SLC38A3: variants seen among roughly 807,000 people sequenced by gnomAD.
SLC38A3 encodes the protein sodium-coupled neutral amino acid transporter 3.
A neutral mutation model predicts 59.5 loss-of-function variants in SLC38A3; 17 were observed. That is an observed-to-expected ratio of 0.29 (90% CI 0.20 to 0.43). The LOEUF (loss-of-function observed/expected upper bound fraction) is 0.43, where lower values mean the gene tolerates loss of function less well. Among genes scored for constraint, SLC38A3 ranks in the 20% least tolerant of loss-of-function variants. The pLI, the probability that SLC38A3 is intolerant of heterozygous loss-of-function variation, is 1.00. For synonymous variants in SLC38A3, 238 were observed against 260.3 expected (o/e 0.91, Z 0.82); for missense variants, 454 against 653.9 (o/e 0.69, Z 3.33).
At chr3:50,209,448 A>G (rs1442195829) in intron 1 of SLC38A3, among the ~76,000 whole-genome samples, 1 of 152,150 alleles carries the variant, frequency 6.6e-6, no homozygotes, top group Non-Finnish European at 1.5e-5. Context: ...GGAGATCGAG[A>G]CCATCCTGGC....
At chr3:50,210,994 G>A (rs62260792) in intron 1 of SLC38A3, among the ~76,000 whole-genome samples, 7,750 of 152,200 alleles carry the variant, frequency 0.051, 274 homozygotes, top group Non-Finnish European at 0.077. Flanking sequence ...CAAGCCTCAC[G>A]GGACCCCTAG....
Position 50,219,964 on chromosome 3 carries a change from A to G in SLC38A3, c.1390A>G (p.Arg464Gly). 1 of 1,612,722 alleles carries G rather than the reference A, an allele frequency of 6.2e-7. No homozygotes were observed. The highest frequency in any genetic ancestry group is 1.1e-5 in the South Asian group (1 of 90,706). ...CATGCCCACGGAGAAGGAGCCTGCA[A>G]GATCCACCCCCAAAATCCTGGTGCG... ...RIMPTEKEPA[R>G]STPKILALCF... Residue 464 changes from arginine (R) to glycine (G), a missense_variant, in exon 15 of 16, where the codon AGA becomes GGA. By Grantham distance (125) the Arg-to-Gly change is moderately radical. Transcript: ENST00000614032.
rs1260955352 is a variant in SLC38A3, at chr3:50,217,729, C to T, written c.744C>T (p.Asn248=). 6.8e-6 allele frequency: 11 copies of T among 1,613,758 alleles called. No homozygotes were observed. In the Admixed American group the frequency reaches 1.5e-4, roughly 22 times the overall value. ...GCCCACTGCCCCCCAACTTCAACAACACCACAGGCAACTTCAGCCACGTGG... is the reference window on the plus strand; with the variant it reads ...GCCCACTGCCCCCCAACTTCAACAATACCACAGGCAACTTCAGCCACGTGG... The part of the protein sequence containing the change: ...VPCPLPPNFN[N]TTGNFSHVEI... The change falls in exon 10 of 16, where the codon AAC becomes AAT. Residue 248 remains asparagine (N), a synonymous_variant. Coordinates refer to ENST00000614032, the MANE Select transcript of SLC38A3 (RefSeq NM_006841.6). This position sits in a 1 kb window ranked among gnomAD's most constrained non-coding sequence, Gnocchi z 4.9.
At chr3:50,209,340 C>T (rs943939654) in intron 1 of SLC38A3, among the ~76,000 whole-genome samples, 4 of 152,138 alleles carry the variant, frequency 2.6e-5, no homozygotes, top group Admixed American at 2.0e-4. Context: ...CAGCTACAAG[C>T]ATCTGTTAGA....
chr3:50,218,274 T>G lies in SLC38A3; in HGVS notation c.940T>G (p.Ser314Ala). Residue 314 changes from serine (S) to alanine (A), a missense_variant, in exon 12 of 16, where the codon TCC becomes GCC. Physicochemically the swap from Ser to Ala is moderately conservative, Grantham distance 99. This residue lies in a region of SLC38A3 where 390 missense variants were observed against 557.9 expected (regional missense o/e 0.70). Coordinates refer to ENST00000614032, the MANE Select transcript of SLC38A3 (RefSeq NM_006841.6). The surrounding 1 kb of genome is among the most constrained non-coding windows in gnomAD (Gnocchi z 5.8). ...LPIYTELKDP[S>A]KKKMQHISNL... ...CACCCCCCCACTTCCCCACAGCCCCTCCAAGAAGAAGATGCAGCACATCTC... is the reference window on the plus strand; with the variant it reads ...CACCCCCCCACTTCCCCACAGCCCCGCCAAGAAGAAGATGCAGCACATCTC... 2.9e-6 allele frequency: 4 copies of G among 1,394,550 alleles called. No individual in the cohort carries two copies. Among genetic ancestry groups the G allele is most frequent in the Non-Finnish European group, 4.1e-6 (4 of 984,504 alleles). The allele number at this position is 1,394,550 out of a possible 1,614,324, so 86.4% of individuals were successfully genotyped here.
chr3:50,209,250 C>T (rs1363956165), intron 1 of SLC38A3, among the ~76,000 whole-genome samples: 1 of 150,728 alleles, frequency 6.6e-6, no homozygotes, highest in East Asian at 2.0e-4. Flanking sequence ...CTTCTGACTG[C>T]AACCTCTATG....
rs749699888 is a variant in SLC38A3, at chr3:50,219,941, T to C, written c.1367T>C (p.Met456Thr). 2 of 1,613,484 alleles carry C rather than the reference T, an allele frequency of 1.2e-6. No homozygotes were observed. The highest frequency in any genetic ancestry group is 2.2e-5 in the East Asian group (1 of 44,882). Reference protein sequence around the residue: ...IFPAIFYFRIMPTEKEPARST... With the variant: ...IFPAIFYFRITPTEKEPARST... ...CCTGCCATCTTCTACTTCCGAATCATGCCCACGGAGAAGGAGCCTGCAAGA... is the reference window on the plus strand; with the variant it reads ...CCTGCCATCTTCTACTTCCGAATCACGCCCACGGAGAAGGAGCCTGCAAGA... Residue 456 changes from methionine (M) to threonine (T), a missense_variant, in exon 15 of 16, where the codon ATG (methionine) becomes ACG (threonine). Met to Thr is a moderately conservative substitution (Grantham distance 81). This residue lies in a region of SLC38A3 where 59 missense variants were observed against 70.8 expected (regional missense o/e 0.83). Transcript: ENST00000614032.
chr3:50,212,612 G>A (rs1244735085), intron 1 of SLC38A3, among the ~76,000 whole-genome samples: 1 of 152,194 alleles, frequency 6.6e-6, no homozygotes, highest in African/African-American at 2.4e-5. Flanking sequence ...GGGTCTCCAG[G>A]ATCCAGGTGC....
At chr3:50,220,023 T>C (rs1699875489) in intron 15 of SLC38A3, 39 bp downstream of exon 15, 1 of 1,602,544 alleles carries the variant, frequency 6.2e-7, no homozygotes, top group Admixed American at 1.7e-5. Context: ...GGTATGGGGC[T>C]AAGGGAACTG....
At position 50,214,406 on chromosome 3, in the gene SLC38A3, G is replaced by A. The variant is rs535248730; in HGVS notation, c.106G>A (p.Glu36Lys). 1.6e-5 allele frequency: 26 copies of A among 1,590,006 alleles called. 1 individual carries two copies. The highest frequency in any genetic ancestry group is 1.6e-4 in the East Asian group (7 of 43,616). ...CACCCTGACCTGTGCCTACAGGGTC[G>A]AGGACCCTGCACGGAGCTGTATGGA... ...ITPMAGNQRVEDPARSCMEGK... is the reference protein window; with the variant it reads ...ITPMAGNQRVKDPARSCMEGK... The change falls in exon 3 of 16, where the codon GAG (glutamate) becomes AAG (lysine). Residue 36 changes from glutamate (E) to lysine (K), a missense_variant. By Grantham distance (56) the Glu-to-Lys change is moderately conservative. This residue lies in a region of SLC38A3 where 390 missense variants were observed against 557.9 expected (regional missense o/e 0.70). Coordinates refer to ENST00000614032, the MANE Select transcript of SLC38A3 (RefSeq NM_006841.6). This position sits in a 1 kb window ranked among gnomAD's most constrained non-coding sequence, Gnocchi z 6.0.
Position 50,214,101 on chromosome 3 carries a change from C to T in SLC38A3, c.-51-48C>T, listed in dbSNP as rs147216072. 2.6e-6 allele frequency: 3 copies of T among 1,161,354 alleles called. No individual in the cohort carries two copies. The highest frequency in any genetic ancestry group is 2.5e-5 in the East Asian group (1 of 39,674). The allele number at this position is 1,161,354 out of a possible 1,614,324, so 71.9% of individuals were successfully genotyped here. On this transcript the variant is annotated intron_variant, in intron 1 of 15. Coordinates refer to ENST00000614032, the MANE Select transcript of SLC38A3 (RefSeq NM_006841.6). The surrounding 1 kb of genome is among the most constrained non-coding windows in gnomAD (Gnocchi z 6.0). Reference sequence around the variant, plus strand: ...GCAGGCCTCAGGTAGGAGGCTAGGCCGTAGGCCCAAGTAACGGGGCTAACC... The same window carrying T: ...GCAGGCCTCAGGTAGGAGGCTAGGCTGTAGGCCCAAGTAACGGGGCTAACC...
Position 50,214,390 on chromosome 3 carries a change from C to T in SLC38A3, c.102-12C>T, listed in dbSNP as rs1242293242. 2 of 1,597,460 alleles carry T rather than the reference C, an allele frequency of 1.3e-6. No homozygotes were observed. Among genetic ancestry groups the T allele is most frequent in the Non-Finnish European group, 1.7e-6 (2 of 1,171,946 alleles). On this transcript the variant is annotated splice_polypyrimidine_tract_variant and intron_variant, in intron 2 of 15. Transcript: ENST00000614032. This position sits in a 1 kb window ranked among gnomAD's most constrained non-coding sequence, Gnocchi z 6.0. ...CTGGAGCTGAGCCACCCACCCTGAC[C>T]TGTGCCTACAGGGTCGAGGACCCTG...
Position 50,214,009 on chromosome 3 carries a change from G to A in SLC38A3, c.-51-140G>A, listed in dbSNP as rs947547138. 3 of 608,482 alleles carry A rather than the reference G, an allele frequency of 4.9e-6. No homozygotes were observed. The African/African-American group carries it at 5.6e-5, about 11-fold the overall frequency. 37.7% of individuals were successfully genotyped at this position (608,482 alleles called of 1,614,324 possible). On this transcript the variant is annotated intron_variant, in intron 1 of 15. Transcript: ENST00000614032. The surrounding 1 kb of genome is among the most constrained non-coding windows in gnomAD (Gnocchi z 6.0). ...GATTCCCCCAACAGCAGATCCCAGG[G>A]AGGCAGTAGGCAGAGCTGCATGTGT...
chr3:50,214,198 C>T lies in SLC38A3; in HGVS notation c.-2C>T, dbSNP rs1364727475. Reference sequence around the variant, plus strand: ...AGTGCTCCTGGTGGTGTGCCCTGAGCCATGGAGGCGCCTTTGCAGACAGAG... The same window carrying T: ...AGTGCTCCTGGTGGTGTGCCCTGAGTCATGGAGGCGCCTTTGCAGACAGAG... On this transcript the variant is annotated 5_prime_UTR_variant, in exon 2 of 16. Transcript: ENST00000614032. This position sits in a 1 kb window ranked among gnomAD's most constrained non-coding sequence, Gnocchi z 6.0. The T allele has an allele frequency of 1.2e-6, 2 of 1,612,964 alleles. No individual in the cohort carries two copies. Among genetic ancestry groups the T allele is most frequent in the Non-Finnish European group, 1.7e-6 (2 of 1,179,518 alleles).
chr3:50,214,903 C>T lies in SLC38A3; in HGVS notation c.299+135C>T, dbSNP rs1044955272. On this transcript the variant is annotated intron_variant, in intron 4 of 15. Transcript: ENST00000614032. This position sits in a 1 kb window ranked among gnomAD's most constrained non-coding sequence, Gnocchi z 6.0. Reference sequence around the variant, plus strand: ...GGGCACTTCTTACACTAACAAACCGCGGCTGAAAAAAACATCCACAGCCAA... The same window carrying T: ...GGGCACTTCTTACACTAACAAACCGTGGCTGAAAAAAACATCCACAGCCAA... 8.9e-6 allele frequency: 6 copies of T among 673,418 alleles called. No individual in the cohort carries two copies. The highest frequency in any genetic ancestry group is 2.8e-5 in the Admixed American group (1 of 35,926). 41.7% of individuals were successfully genotyped at this position (673,418 alleles called of 1,614,324 possible).
Position 50,218,561 on chromosome 3 carries a change from C to T in SLC38A3, c.1037-32C>T, listed in dbSNP as rs1699856069. ...TCAGATCCCACCTCCTTCCTGGGGCCACCTACTGACCACCCTCCCTGCCTG... is the reference window on the plus strand; with the variant it reads ...TCAGATCCCACCTCCTTCCTGGGGCTACCTACTGACCACCCTCCCTGCCTG... On this transcript the variant is annotated intron_variant, in intron 12 of 15. Coordinates refer to ENST00000614032, the MANE Select transcript of SLC38A3 (RefSeq NM_006841.6). This position sits in a 1 kb window ranked among gnomAD's most constrained non-coding sequence, Gnocchi z 5.8. 1.2e-6 allele frequency: 2 copies of T among 1,604,940 alleles called. No homozygotes were observed. The highest frequency in any genetic ancestry group is 1.7e-6 in the Non-Finnish European group (2 of 1,175,438).
intron 1 of SLC38A3, among the ~76,000 whole-genome samples, chr3:50,208,529 C>G (rs1362034673): frequency 6.6e-6 from 1 of 152,222 alleles, no homozygotes; most frequent in Non-Finnish European, 1.5e-5. Flanking sequence ...TCCCAAAGTG[C>G]TGGGATTACA....
At position 50,220,417 on chromosome 3, in the gene SLC38A3, AGG is replaced by A. The variant is rs1175532272; in HGVS notation, c.*242_*243del. 2 of 538,062 alleles carry A rather than the reference AGG, an allele frequency of 3.7e-6. No individual in the cohort carries two copies. Among genetic ancestry groups the A allele is most frequent in the Non-Finnish European group, 6.7e-6 (2 of 297,762 alleles). 33.3% of individuals were successfully genotyped at this position (538,062 alleles called of 1,614,324 possible). ...AGGCTTCCTGAACTGGGAGCAGGGT[AGG>A]GCTGTCGCCTTAGATCCCGCCCAAG... is the stretch of plus-strand genomic sequence containing the variant. On this transcript the variant is annotated 3_prime_UTR_variant, in exon 16 of 16. Transcript: ENST00000614032.
In SLC38A3 at chr3:50,214,842, C is replaced by T; in HGVS notation, c.299+74C>T. The stretch of plus-strand genomic sequence containing the variant: ...ACCAATCATGACCTCCCAGGACCCG[C>T]CAGTTCCCTGTCCCAGCATCCAGGC... On this transcript the variant is annotated intron_variant, in intron 4 of 15. Transcript: ENST00000614032. The surrounding 1 kb of genome is among the most constrained non-coding windows in gnomAD (Gnocchi z 6.0). 3.1e-6 allele frequency: 3 copies of T among 955,408 alleles called. No individual in the cohort carries two copies. The highest frequency in any genetic ancestry group is 3.3e-6 in the Non-Finnish European group (2 of 612,834). The allele number at this position is 955,408 out of a possible 1,614,324, so 59.2% of individuals were successfully genotyped here.
Sources: gnomAD v4.1 joint callset for allele counts (sites outside exome capture counted in the v4.1 genomes callset) on GRCh38, gnomAD v4.1.1 for gene constraint, gnomAD v4.1.1 regional missense constraint, Gnocchi (gnomAD v3.1) non-coding constraint, MANE v1.5 for transcripts, NCBI Gene and HGNC (gene_info 2026-07-23, HGNC 2026-07-21) for gene names.